Variants in GABRA2 observed in about 807,000 individuals in gnomAD.
The protein encoded by GABRA2 is gamma-aminobutyric acid type A receptor subunit alpha2, also known as gamma-aminobutyric acid receptor subunit alpha-2.
In GABRA2, 16 loss-of-function variants were observed where a neutral mutation model predicts 48.7. That is an observed-to-expected ratio of 0.33 (90% confidence interval 0.22 to 0.50). The LOEUF (loss-of-function observed/expected upper bound fraction) is 0.50. Among genes scored for constraint, GABRA2 ranks in the 20% least tolerant of loss-of-function variants. The pLI, the probability that GABRA2 is intolerant of heterozygous loss-of-function variation, is 0.98. For missense variants in GABRA2, 275 were observed against 535.6 expected (o/e 0.51, Z 4.80); for synonymous variants, 185 against 184.5 (o/e 1.00, Z -0.02).
chr4:46,261,031 T>C (rs751267463), intron 9 of GABRA2: 5 of 151,956 alleles, frequency 3.3e-5, no homozygotes, highest in Non-Finnish European at 4.4e-5. Context: ...AGCATTTAGG[T>C]TGATACAATG....
intron 8 of GABRA2, among the ~76,000 whole-genome samples, chr4:46,267,533 CT>C (rs1718499595): frequency 6.6e-6 from 1 of 151,584 alleles, no homozygotes; most frequent in Non-Finnish European, 1.5e-5. Flanking sequence ...GTCTCATATT[CT>C]TTTTTGAAAA....
At chr4:46,344,255 G>C (rs939352132) in intron 3 of GABRA2, among the ~76,000 whole-genome samples, 1 of 151,914 alleles carries the variant, frequency 6.6e-6, no homozygotes, top group South Asian at 2.1e-4. Flanking sequence ...CTAGAGATTA[G>C]TGCTACAAAG....
chr4:46,345,683 C>A (rs965773654), intron 3 of GABRA2, among the ~76,000 whole-genome samples: 1 of 151,876 alleles, frequency 6.6e-6, no homozygotes, highest in Non-Finnish European at 1.5e-5. Flanking sequence ...CACTTTGCCA[C>A]TCCCTCTTCT....
At chr4:46,253,577 T>C (rs1300921836) in intron 9 of GABRA2, among the ~76,000 whole-genome samples, 1 of 151,548 alleles carries the variant, frequency 6.6e-6, no homozygotes, top group Non-Finnish European at 1.5e-5. Context: ...CTTCACTCTA[T>C]GAATCAGCAA....
chr4:46,388,781 G>C, intron 1 of GABRA2, 65 bp from the exon 2 acceptor site: 2 of 1,609,318 alleles, frequency 1.2e-6, no homozygotes, highest in Non-Finnish European at 1.7e-6. Flanking sequence ...CACTATCCAA[G>C]TAACCCCAAA....
At chr4:46,373,084 C>T (rs1209796569) in intron 3 of GABRA2, among the ~76,000 whole-genome samples, 1 of 152,142 alleles carries the variant, frequency 6.6e-6, no homozygotes, top group Non-Finnish European at 1.5e-5. Context: ...GCTGAGATGA[C>T]TGTATTAGAA....
At chr4:46,386,005 A>G (rs1314027531) in intron 3 of GABRA2, 69 bp downstream of exon 3, 2 of 857,004 alleles carry the variant, frequency 2.3e-6, no homozygotes, top group Non-Finnish European at 3.8e-6. Context: ...GTATTAAAAT[A>G]GGAATATTAC....
At position 46,247,989 on chromosome 4, in the gene GABRA2, A is replaced by C. The variant is rs1284656264; in HGVS notation, c.*2319T>G. Among the ~76,000 whole-genome samples the C allele has an allele frequency of 2.6e-5, 4 of 151,378 alleles. No individual in the cohort carries two copies. Among genetic ancestry groups the C allele is most frequent in the African/African-American group, 9.7e-5 (4 of 41,360 alleles). On this transcript the variant is annotated 3_prime_UTR_variant, in exon 10 of 10. Coordinates refer to ENST00000381620, the MANE Select transcript of GABRA2 (RefSeq NM_000807.4). ...ATAAAATTTTACCACATGAAATTTA[A>C]AATAAGAATAACAGTGATAAGTTTT...
At chr4:46,272,369 A>T (rs1577851277) in intron 8 of GABRA2, among the ~76,000 whole-genome samples, 2 of 152,130 alleles carry the variant, frequency 1.3e-5, no homozygotes, top group Admixed American at 6.6e-5. Flanking sequence ...CCACCCCACC[A>T]GTAATCTGTA....
Position 46,243,888 on chromosome 4 carries a change from AT to A in GABRA2, c.*6419del, listed in dbSNP as rs1358465391. ...AAAGGAAAAATACTTTATTCCTTTT[AT>A]TTTCTATTCAAATGTAGCAATAAGT... On this transcript the variant is annotated 3_prime_UTR_variant, in exon 10 of 10. Transcript: ENST00000381620. 1 of 151,550 alleles carries A rather than the reference AT, an allele frequency of 6.6e-6. No individual in the cohort carries two copies. The highest frequency in any genetic ancestry group is 2.4e-5 in the African/African-American group (1 of 41,374). 9.4% of individuals were successfully genotyped at this position (151,550 alleles called of 1,614,324 possible).
intron 3 of GABRA2, among the ~76,000 whole-genome samples, chr4:46,342,305 T>C (rs555968870): frequency 2.2e-4 from 33 of 152,034 alleles, no homozygotes; most frequent in Admixed American, 6.6e-5. Flanking sequence ...TCTTGTTGCG[T>C]TTATGCAGGA....
At chr4:46,317,221 G>T (rs1456391048) in intron 4 of GABRA2, among the ~76,000 whole-genome samples, 1 of 151,826 alleles carries the variant, frequency 6.6e-6, no homozygotes, top group African/African-American at 2.4e-5. Context: ...AAGCAGGTTG[G>T]TTATAACTTA....
chr4:46,255,215 A>G (rs1715569770), intron 9 of GABRA2, among the ~76,000 whole-genome samples: 2 of 151,676 alleles, frequency 1.3e-5, no homozygotes, highest in South Asian at 4.1e-4. Flanking sequence ...CGTTTGCTTA[A>G]TGATAAATGA....
chr4:46,293,124 A>C (rs1723986697), intron 8 of GABRA2, among the ~76,000 whole-genome samples: 1 of 152,146 alleles, frequency 6.6e-6, no homozygotes, highest in African/African-American at 2.4e-5. Context: ...TATAAGTGAA[A>C]TTTATAGAAA....
chr4:46,271,305 A>G (rs1332973665), intron 8 of GABRA2, among the ~76,000 whole-genome samples: 1 of 152,010 alleles, frequency 6.6e-6, no homozygotes, highest in African/African-American at 2.4e-5. Flanking sequence ...AGGACAGAAT[A>G]TAACAAAGGT....
intron 4 of GABRA2, among the ~76,000 whole-genome samples, chr4:46,315,500 C>A (rs1728398835): frequency 6.6e-6 from 1 of 151,888 alleles, no homozygotes; most frequent in South Asian, 2.1e-4. Flanking sequence ...ATGCTCTAGG[C>A]AATTGTAACA....
chr4:46,304,150 C>T (rs1313890844), intron 7 of GABRA2, among the ~76,000 whole-genome samples: 1 of 152,076 alleles, frequency 6.6e-6, no homozygotes, highest in Non-Finnish European at 1.5e-5. Context: ...TGCTCTCTGC[C>T]AACAGTTTAT....
At chr4:46,367,704 A>G (rs1023127267) in intron 3 of GABRA2, 1 of 152,152 alleles carries the variant, frequency 6.6e-6, no homozygotes, top group African/African-American at 2.4e-5. Flanking sequence ...TGCATGCTAC[A>G]GACAAAACAA....
intron 3 of GABRA2, among the ~76,000 whole-genome samples, chr4:46,345,277 A>G (rs549833322): frequency 6.6e-6 from 1 of 151,960 alleles, no homozygotes; most frequent in South Asian, 2.1e-4. Context: ...AGTCTTGGGT[A>G]TGTCTTTATA....
Sources: allele counts gnomAD v4.1 joint callset (sites outside exome capture counted in the v4.1 genomes callset), GRCh38; gene constraint gnomAD v4.1.1; transcripts MANE v1.5; gene names NCBI Gene and HGNC (gene_info 2026-07-23, HGNC 2026-07-21).